The following LYST variants were observed in gnomAD, a reference collection of about 807,000 sequenced individuals.
LYST encodes the protein lysosomal-trafficking regulator.
LYST carries 192 observed loss-of-function variants against 413.6 expected under a neutral mutation model. The observed-to-expected ratio is 0.46, with a 90% CI of 0.41 to 0.52. LYST has a LOEUF of 0.52. LYST is among the 20% of genes least tolerant of loss of function. The pLI is 0.00. For missense variants in LYST, 3,815 were observed against 4,499.9 expected (o/e 0.85, Z 4.35); for synonymous variants, 1,525 against 1,567.3 (o/e 0.97, Z 0.64).
chr1:235,666,537 T>TA (rs951801164), intron 50 of LYST, among the ~76,000 whole-genome samples: 1 of 150,128 alleles, frequency 6.7e-6, no homozygotes, highest in Non-Finnish European at 1.5e-5. Context: ...ACTGAATACT[T>TA]AAAAAATGGC....
intron 20 of LYST, among the ~76,000 whole-genome samples, chr1:235,766,742 G>GT (rs1016038638): frequency 2.6e-5 from 4 of 152,102 alleles, no homozygotes; most frequent in Admixed American, 2.6e-4. Context: ...TTGCATATAG[G>GT]TAAGCCCCAT....
At chr1:235,875,975 T>G (rs1337034712) in intron 1 of LYST, among the ~76,000 whole-genome samples, 1 of 152,080 alleles carries the variant, frequency 6.6e-6, no homozygotes, top group African/African-American at 2.4e-5. Context: ...ATCCCAGCAC[T>G]TTGGGAGGCT....
chr1:235,755,976 C>T (rs1053503816), intron 24 of LYST, among the ~76,000 whole-genome samples: 3 of 151,688 alleles, frequency 2.0e-5, no homozygotes, highest in African/African-American at 4.8e-5. Flanking sequence ...GGAAAAAATC[C>T]GTAAACTATG....
In LYST at chr1:235,741,293, A is replaced by C; in HGVS notation, c.8358+129T>G. The C allele has an allele frequency of 3.5e-6, 3 of 855,126 alleles. No individual in the cohort carries two copies. The South Asian group carries it at 4.3e-5, about 12-fold the overall frequency. 53.0% of individuals were successfully genotyped at this position (855,126 alleles called of 1,614,324 possible). On this transcript the variant is annotated intron_variant, in intron 31 of 52. Transcript: ENST00000389793. ...GCACCTGAGAAAGACCTTAGGTTAA[A>C]TTTGCTTGGTAAGAAAATTATATTT... is the stretch of plus-strand genomic sequence containing the variant.
upstream of LYST, among the ~76,000 whole-genome samples, chr1:235,869,885 A>G (rs1237922661): frequency 6.6e-6 from 1 of 152,160 alleles, no homozygotes; most frequent in Non-Finnish European, 1.5e-5. Flanking sequence ...CAAACATGCC[A>G]GATACAGTCC....
At chr1:235,845,025 T>C (rs1221387997) in intron 1 of LYST, among the ~76,000 whole-genome samples, 2 of 151,994 alleles carry the variant, frequency 1.3e-5, no homozygotes, top group Non-Finnish European at 2.9e-5. Context: ...CAGAGCAGCA[T>C]GTGGTGGCTT....
intron 41 of LYST, among the ~76,000 whole-genome samples, chr1:235,715,779 T>C (rs1662785205): frequency 6.6e-6 from 1 of 151,778 alleles, no homozygotes; most frequent in African/African-American, 2.4e-5. Context: ...TCTCTAGAAG[T>C]AGAAATGCAA....
chr1:235,668,695 C>T (rs1346164972), intron 50 of LYST, among the ~76,000 whole-genome samples: 2 of 152,174 alleles, frequency 1.3e-5, no homozygotes, highest in Non-Finnish European at 2.9e-5. Context: ...TCCTAACTTT[C>T]AAACACTGCC....
In LYST at chr1:235,773,880, C is replaced by T; in HGVS notation, c.5746G>A (p.Glu1916Lys). The T allele has an allele frequency of 6.2e-7, 1 of 1,611,808 alleles. No homozygotes were observed. Among genetic ancestry groups the T allele is most frequent in the Non-Finnish European group, 8.5e-7 (1 of 1,178,080 alleles). ...CATATCTTCCAGTCAAGCAATAGTT[C>T]CTCTAACAGCTTAACATCTTGGATT... is the stretch of plus-strand genomic sequence containing the variant. ...AIIQDVKLLE[E>K]LLLDWKIWSK... Residue 1916 changes from glutamate to lysine, a missense_variant, in exon 19 of 53, where the codon GAA (glutamate) becomes AAA (lysine). Physicochemically the swap from Glu to Lys is moderately conservative, Grantham distance 56. Around this residue, in one of 4 missense-constraint regions of LYST, gnomAD observed 530 missense variants for 696.5 expected, o/e 0.76. Coordinates refer to ENST00000389793, the MANE Select transcript of LYST (RefSeq NM_000081.4).
At chr1:235,856,400 C>T (rs144931121) in intron 1 of LYST, among the ~76,000 whole-genome samples, 148 of 152,242 alleles carry the variant, frequency 9.7e-4, no homozygotes, top group African/African-American at 3.4e-3. Context: ...TTTAGGATCT[C>T]AGGCAAGGTG....
At chr1:235,853,016 G>C (rs566982898) in intron 1 of LYST, 4 of 170,226 alleles carry the variant, frequency 2.3e-5, no homozygotes, top group Non-Finnish European at 5.9e-5. Context: ...GTAACTAGAC[G>C]GTTTTCTGTG....
intron 43 of LYST, among the ~76,000 whole-genome samples, chr1:235,709,757 A>G (rs1393839479): frequency 6.7e-6 from 1 of 150,142 alleles, no homozygotes; most frequent in African/African-American, 2.5e-5. Context: ...TTTAGTAAAT[A>G]TTAGTATTCT....
At chr1:235,874,288 T>C (rs1681048588) in intron 1 of LYST, among the ~76,000 whole-genome samples, 2 of 152,230 alleles carry the variant, frequency 1.3e-5, no homozygotes, top group African/African-American at 4.8e-5. Context: ...CATTCAGTTA[T>C]TGGGTATTTT....
At chr1:235,753,834 T>C (rs998771632) in intron 25 of LYST, among the ~76,000 whole-genome samples, 5 of 152,272 alleles carry the variant, frequency 3.3e-5, no homozygotes, top group Admixed American at 2.6e-4. Context: ...TAATGCACAA[T>C]TGTTTCGTGA....
intron 16 of LYST, among the ~76,000 whole-genome samples, 162 bp downstream of exon 16, chr1:235,780,703 A>T (rs929507161): frequency 6.6e-6 from 1 of 152,036 alleles, no homozygotes; most frequent in African/African-American, 2.4e-5. Flanking sequence ...AAAGGAGATC[A>T]AAGTGTTTCA....
intron 39 of LYST, among the ~76,000 whole-genome samples, chr1:235,723,321 T>C (rs1663560169): frequency 6.6e-6 from 1 of 152,028 alleles, no homozygotes; most frequent in Non-Finnish European, 1.5e-5. Flanking sequence ...GAGGTTTGGG[T>C]AGTGACATAA....
At position 235,746,524 on chromosome 1, in the gene LYST, G is replaced by C. The variant is rs760538931; in HGVS notation, c.7784C>G (p.Pro2595Arg). ...AGTTTGAGCAAGGGGAAATTTTCGA[G>C]GACCTTTAAAAGTATATAAATTAAA... Reference protein sequence around the residue: ...VVQKRKSIAGPRKFPLAQTES... With the variant: ...VVQKRKSIAGRRKFPLAQTES... The change falls in exon 29 of 53, where the codon CCT becomes CGT. Residue 2595 changes from proline to arginine, a missense_variant. This residue lies in a region of LYST where 771 missense variants were observed against 837.1 expected (regional missense o/e 0.92). Transcript: ENST00000389793. 6.2e-7 allele frequency: 1 copy of C among 1,610,598 alleles called. No homozygotes were observed. The highest frequency in any genetic ancestry group is 1.7e-5 in the Admixed American group (1 of 59,834).
intron 40 of LYST, among the ~76,000 whole-genome samples, 161 bp downstream of exon 40, chr1:235,720,500 C>T (rs979993084): frequency 6.6e-6 from 1 of 152,220 alleles, no homozygotes; most frequent in Middle Eastern, 3.4e-3. Flanking sequence ...TGGCAAAAAT[C>T]TTCATAATTC....
chr1:235,752,057 G>A lies in LYST; in HGVS notation c.7575C>T (p.Asp2525=). Residue 2525 remains aspartate (D), a synonymous_variant, in exon 27 of 53, where the codon GAC becomes GAT. Coordinates refer to ENST00000389793, the MANE Select transcript of LYST (RefSeq NM_000081.4). Reference sequence around the variant, plus strand: ...GAAGATATCCAAGCATTACAATAAGGTCTTCAATAACCCTAAAATATTGTG... The same window carrying A: ...GAAGATATCCAAGCATTACAATAAGATCTTCAATAACCCTAAAATATTGTG... The part of the protein sequence containing the change: ...SGSQYFRVIE[D]LIVMLGYLQN... 6.2e-7 allele frequency: 1 copy of A among 1,609,720 alleles called. No homozygotes were observed. The highest frequency in any genetic ancestry group is 1.1e-5 in the South Asian group (1 of 90,958).
Sources: gnomAD v4.1 joint callset for allele counts (sites outside exome capture counted in the v4.1 genomes callset) on GRCh38, gnomAD v4.1.1 for gene constraint, gnomAD v4.1.1 regional missense constraint, MANE v1.5 for transcripts, NCBI Gene and HGNC (gene_info 2026-07-23, HGNC 2026-07-21) for gene names.